APBA2: variants seen among roughly 807,000 people sequenced by gnomAD.
The protein encoded by APBA2 is amyloid-beta A4 precursor protein-binding family A member 2.
Under a neutral mutation model 75.0 loss-of-function variants are expected in APBA2, and 30 were observed. The observed-to-expected ratio is 0.40, with a 90% CI of 0.30 to 0.54. The LOEUF is 0.54. Ranked by LOEUF, APBA2 falls within the 20% of genes least tolerant of loss-of-function variation. The probability of loss-of-function intolerance (pLI) is 0.49; values close to 1 mark genes in which losing one functional copy is unlikely to be tolerated. For missense variants in APBA2, 801 were observed against 1,016.1 expected (o/e 0.79, Z 2.88); for synonymous variants, 444 against 409.6 (o/e 1.08, Z -1.01).
At chr15:28,907,295 G>C (rs751966600) in intron 1 of APBA2, among the ~76,000 whole-genome samples, 4 of 152,168 alleles carry the variant, frequency 2.6e-5, no homozygotes, top group Non-Finnish European at 2.9e-5. Flanking sequence ...GCTGTGTTCT[G>C]AGTGTTTCTC....
chr15:29,089,789 A>T (rs548066170), intron 6 of APBA2, among the ~76,000 whole-genome samples: 39 of 152,288 alleles, frequency 2.6e-4, no homozygotes, highest in African/African-American at 9.1e-4. Flanking sequence ...TGTGAGTAAG[A>T]TATACGGTGT....
chr15:28,962,148 C>T (rs2036508082), intron 2 of APBA2, among the ~76,000 whole-genome samples: 1 of 152,162 alleles, frequency 6.6e-6, no homozygotes, highest in African/African-American at 2.4e-5. Flanking sequence ...TCATTATCCT[C>T]ATTGAGGTTC....
intron 2 of APBA2, among the ~76,000 whole-genome samples, chr15:28,989,866 G>A (rs912470839): frequency 2.0e-5 from 3 of 152,162 alleles, no homozygotes; most frequent in African/African-American, 7.2e-5. Context: ...GGTCCATCCT[G>A]GGACGTGGGC....
At chr15:28,941,629 A>G (rs988045148) in intron 2 of APBA2, among the ~76,000 whole-genome samples, 5 of 152,138 alleles carry the variant, frequency 3.3e-5, no homozygotes, top group Admixed American at 2.0e-4. Context: ...TGATTACCCT[A>G]CAACCAGGAT....
intron 2 of APBA2, among the ~76,000 whole-genome samples, chr15:28,933,174 C>G (rs2034652964): frequency 6.6e-6 from 1 of 152,176 alleles, no homozygotes; most frequent in Non-Finnish European, 1.5e-5. Flanking sequence ...TCTTAAAGGT[C>G]TCACTTCTCA....
At chr15:29,006,023 C>G (rs545264502) in intron 3 of APBA2, among the ~76,000 whole-genome samples, 29 of 152,278 alleles carry the variant, frequency 1.9e-4, no homozygotes, top group African/African-American at 7.0e-4. Context: ...AGATCAGAAA[C>G]AAGACAAGGA....
At chr15:29,084,807 C>T (rs1192195697) in intron 6 of APBA2, among the ~76,000 whole-genome samples, 2 of 152,142 alleles carry the variant, frequency 1.3e-5, no homozygotes, top group Non-Finnish European at 2.9e-5. Flanking sequence ...GTCATTTATC[C>T]TGTAGATTTT....
chr15:28,965,032 A>G (rs1483097275), intron 2 of APBA2, among the ~76,000 whole-genome samples: 4 of 151,870 alleles, frequency 2.6e-5, no homozygotes, highest in Non-Finnish European at 5.9e-5. Flanking sequence ...TATGTCTAGG[A>G]ACTCTTTGCC....
In APBA2 at chr15:29,054,145, CGAG is replaced by C; in HGVS notation, c.263_265del (p.Glu88del). 2.5e-6 allele frequency: 4 copies of C among 1,614,190 alleles called. No homozygotes were observed. Among genetic ancestry groups the C allele is most frequent in the Non-Finnish European group, 3.4e-6 (4 of 1,180,034 alleles). The stretch of plus-strand genomic sequence containing the variant: ...ACACCTCTGAGGAGGAGGACTATGA[CGAG>C]GGCCTCCCTGAGGAGGAGGAGGGCA... On this transcript the variant is annotated inframe_deletion, in exon 4 of 15. Transcript: ENST00000683413. The surrounding 1 kb of genome is among the most constrained non-coding windows in gnomAD (Gnocchi z 6.1).
intron 2 of APBA2, among the ~76,000 whole-genome samples, chr15:28,981,164 TCAA>T (rs1246991653): frequency 2.6e-5 from 4 of 151,984 alleles, no homozygotes; most frequent in African/African-American, 9.7e-5. Context: ...AAAACAAAAA[TCAA>T]CAAGTGGAAC....
chr15:28,945,870 C>G (rs2035519390), intron 2 of APBA2, among the ~76,000 whole-genome samples: 1 of 152,142 alleles, frequency 6.6e-6, no homozygotes, highest in Admixed American at 6.5e-5. Flanking sequence ...AGAGGAGATC[C>G]TGTGTTTACA....
At chr15:29,113,799 C>A in intron 13 of APBA2, 77 bp from the exon 14 acceptor site, 2 of 1,580,714 alleles carry the variant, frequency 1.3e-6, no homozygotes, top group Non-Finnish European at 1.7e-6. Context: ...CTCTGCATGT[C>A]CCATCTTTGG....
chr15:29,034,576 A>G (rs2040649947), intron 3 of APBA2, among the ~76,000 whole-genome samples: 1 of 152,208 alleles, frequency 6.6e-6, no homozygotes, highest in Non-Finnish European at 1.5e-5. Context: ...TGAAAGTGTT[A>G]GGAAGGGTGT....
intron 2 of APBA2, among the ~76,000 whole-genome samples, chr15:28,924,303 T>A (rs1013363103): frequency 1.3e-5 from 2 of 152,154 alleles, no homozygotes; most frequent in East Asian, 3.9e-4. Flanking sequence ...CAGTTGAAAG[T>A]GTGTAATTCA....
intron 2 of APBA2, 69 bp downstream of exon 2, chr15:28,921,818 G>A (rs1236142770): frequency 6.6e-6 from 1 of 152,200 alleles, no homozygotes; most frequent in Non-Finnish European, 1.5e-5. Flanking sequence ...GGGCTGATGT[G>A]CTAATTGGGG....
intron 3 of APBA2, among the ~76,000 whole-genome samples, chr15:29,021,642 T>G (rs2039962636): frequency 6.6e-6 from 1 of 152,160 alleles, no homozygotes; most frequent in African/African-American, 2.4e-5. Context: ...TGATGATGAT[T>G]TGTGATGAGA....
intron 1 of APBA2, among the ~76,000 whole-genome samples, chr15:28,907,812 C>A (rs2033208437): frequency 6.6e-6 from 1 of 152,204 alleles, no homozygotes; most frequent in Non-Finnish European, 1.5e-5. Context: ...GCGACCCTTT[C>A]AGCCATAAAG....
intron 2 of APBA2, among the ~76,000 whole-genome samples, chr15:28,951,423 C>T (rs1167445121): frequency 6.6e-6 from 1 of 152,050 alleles, no homozygotes; most frequent in Non-Finnish European, 1.5e-5. Context: ...TGCAAGGATC[C>T]CTGCCTTATT....
chr15:28,930,079 G>A (rs1200012609), intron 2 of APBA2, among the ~76,000 whole-genome samples: 1 of 152,192 alleles, frequency 6.6e-6, no homozygotes, highest in Non-Finnish European at 1.5e-5. Flanking sequence ...AGTTGGGGAG[G>A]TGGAAGGGGG....
Sources: gnomAD v4.1 joint callset for allele counts (sites outside exome capture counted in the v4.1 genomes callset) on GRCh38, gnomAD v4.1.1 for gene constraint, Gnocchi (gnomAD v3.1) non-coding constraint, MANE v1.5 for transcripts, NCBI Gene and HGNC (gene_info 2026-07-23, HGNC 2026-07-21) for gene names.